CPLANE1: variants seen among roughly 807,000 people sequenced by gnomAD.
The protein encoded by CPLANE1 is ciliogenesis and planar polarity effector 1.
A neutral mutation model predicts 362.5 loss-of-function variants in CPLANE1; 263 were observed. The observed-to-expected ratio is 0.73, with a 90% CI of 0.66 to 0.80. The LOEUF (loss-of-function observed/expected upper bound fraction) is 0.80, where lower values mean the gene tolerates loss of function less well. Ranked by LOEUF, CPLANE1 falls within the 30% of genes least tolerant of loss-of-function variation. The pLI is 0.00. For synonymous variants in CPLANE1, 1,212 were observed against 1,302.6 expected (o/e 0.93, Z 1.50); for missense variants, 3,461 against 3,793.4 (o/e 0.91, Z 2.30).
the CPLANE1 span, among the ~76,000 whole-genome samples, chr5:37,078,150 A>T: frequency 6.6e-6 from 1 of 152,064 alleles, no homozygotes; most frequent in Non-Finnish European, 1.5e-5. Flanking sequence ...TCATCCCATC[A>T]CCTAGATGTT....
intron 46 of CPLANE1, among the ~76,000 whole-genome samples, chr5:37,138,197 C>T (rs1768388379): frequency 6.6e-6 from 1 of 152,090 alleles, no homozygotes; most frequent in African/African-American, 2.4e-5. Context: ...TCTATAACTA[C>T]TTATTTTATG....
At chr5:37,158,544 T>C (rs191644706) in intron 38 of CPLANE1, among the ~76,000 whole-genome samples, 199 bp from the exon 39 acceptor site, 179 of 152,308 alleles carry the variant, frequency 1.2e-3, no homozygotes, top group Non-Finnish European at 2.3e-3. Context: ...TAATTGAATG[T>C]AAGCTGACTA....
intron 3 of CPLANE1, 30 bp from the exon 4 acceptor site, chr5:37,245,628 C>A (rs1171406400): frequency 1.3e-6 from 2 of 1,499,458 alleles, no homozygotes; most frequent in South Asian, 1.3e-5. Context: ...GCAATACTTA[C>A]AATCTAGTAT....
At chr5:37,228,408 ATT>A (rs1351723119) in intron 9 of CPLANE1, among the ~76,000 whole-genome samples, 1 of 152,066 alleles carries the variant, frequency 6.6e-6, no homozygotes, top group Non-Finnish European at 1.5e-5. Context: ...GTATATTGTA[ATT>A]TTTTTCTGGT....
chr5:37,093,276 C>T, the CPLANE1 span, among the ~76,000 whole-genome samples: 1,106 of 152,240 alleles, frequency 7.3e-3, 17 homozygotes, highest in African/African-American at 0.025. Context: ...AATTCTTGCA[C>T]GTCTGCAAGC....
chr5:37,227,066 T>G lies in CPLANE1; in HGVS notation c.1529A>C (p.Glu510Ala). The G allele has an allele frequency of 6.5e-7, 1 of 1,541,680 alleles. No homozygotes were observed. The highest frequency in any genetic ancestry group is 8.7e-7 in the Non-Finnish European group (1 of 1,142,940). The part of the protein sequence containing the change: ...NENAADFQDF[E>A]AEETNEGRHF... ...TCTGCCTTCGTTAGTTTCTTCTGCT[T>G]CAAAATCCTAAAACATGAGGGGAAA... is the stretch of plus-strand genomic sequence containing the variant. Residue 510 changes from glutamate to alanine, a missense_variant, in exon 12 of 53, where the codon GAA (glutamate) becomes GCA (alanine). Physicochemically the swap from Glu to Ala is moderately radical, Grantham distance 107 (BLOSUM62 -1). Coordinates refer to ENST00000651892, the MANE Select transcript of CPLANE1 (RefSeq NM_001384732.1).
At chr5:37,210,463 G>C (rs1003815587) in intron 16 of CPLANE1, 1 of 1,091,252 alleles carries the variant, frequency 9.2e-7, no homozygotes, top group South Asian at 1.3e-5. Flanking sequence ...AGAACTAATC[G>C]ACTGATTGAA....
In CPLANE1 at chr5:37,164,322, T is replaced by C; in HGVS notation, c.7539A>G (p.Gln2513=). The C allele has an allele frequency of 6.2e-7, 1 of 1,613,138 alleles. No individual in the cohort carries two copies. Residue 2513 remains glutamine, a synonymous_variant, in exon 37 of 53, where the codon CAA becomes CAG. Transcript: ENST00000651892. ...AAGGATGGGAACCACAATGTTCTTGTTGTTCCTAAATGAATTCCCACAGGA... is the reference window on the plus strand; with the variant it reads ...AAGGATGGGAACCACAATGTTCTTGCTGTTCCTAAATGAATTCCCACAGGA... ...DSEIIKKPKE[Q]QEHCGSHPLD... is the part of the protein sequence containing the mutation.
chr5:37,081,231 C>T, the CPLANE1 span, among the ~76,000 whole-genome samples: 84 of 152,274 alleles, frequency 5.5e-4, no homozygotes, highest in African/African-American at 1.9e-3. Context: ...CAAAAACTAA[C>T]CTTGAGATGC....
intron 41 of CPLANE1, among the ~76,000 whole-genome samples, chr5:37,155,912 A>G (rs1392213428): frequency 6.6e-6 from 1 of 152,120 alleles, no homozygotes; most frequent in African/African-American, 2.4e-5. Context: ...ACTTTCCCAC[A>G]TACTTCCCCT....
intron 30 of CPLANE1, 113 bp downstream of exon 30, chr5:37,177,508 A>G (rs1781501753): frequency 4.0e-6 from 3 of 744,988 alleles, no homozygotes; most frequent in South Asian, 1.8e-5. Context: ...TTACAGTTTC[A>G]CTAGAAACAC....
chr5:37,237,176 T>C (rs1330095384), intron 8 of CPLANE1, among the ~76,000 whole-genome samples: 1 of 152,054 alleles, frequency 6.6e-6, no homozygotes, highest in Non-Finnish European at 1.5e-5. Flanking sequence ...ATAGCAAAGA[T>C]AGAGAATCAA....
Position 37,139,361 on chromosome 5 carries a change from C to T in CPLANE1, c.8642G>A (p.Ser2881Asn). Residue 2881 changes from serine (S) to asparagine (N), a missense_variant, in exon 45 of 53, where the codon AGC becomes AAC. By Grantham distance (46) the Ser-to-Asn change is conservative. Around this residue, in one of 2 missense-constraint regions of CPLANE1, gnomAD observed 3,380 missense variants for 3,666.1 expected, o/e 0.92. Coordinates refer to ENST00000651892, the MANE Select transcript of CPLANE1 (RefSeq NM_001384732.1). ...DQNTTSPGMN[S>N]SDELCESVSV... ...TTACCTCTCACACAATTCATCACTG[C>T]TATTCATACCTAAAAAAAAAATCAT... 2 of 1,201,658 alleles carry T rather than the reference C, an allele frequency of 1.7e-6. No individual in the cohort carries two copies. The highest frequency in any genetic ancestry group is 2.3e-6 in the Non-Finnish European group (2 of 865,598). 74.4% of individuals were successfully genotyped at this position (1,201,658 alleles called of 1,614,324 possible).
rs185153565 is a variant in CPLANE1 at position 37,140,940 on chromosome 5, C to G, written c.8632+1370G>C. ...CAAGACAATTCTTCTTCCAATGTGG[C>G]TCAGGGAAGCCAAAAGACTGGAGTC... On this transcript the variant is annotated intron_variant, in intron 44 of 52. Coordinates refer to ENST00000651892, the MANE Select transcript of CPLANE1 (RefSeq NM_001384732.1). The G allele has an allele frequency of 4.3e-4, 427 of 985,216 alleles. 1 individual carries two copies. In the African/African-American group the frequency reaches 6.9e-3, roughly 16 times the overall value. The allele number at this position is 985,216 out of a possible 1,614,324, so 61.0% of individuals were successfully genotyped here.
intron 50 of CPLANE1, among the ~76,000 whole-genome samples, chr5:37,118,870 C>G (rs1435362669): frequency 1.3e-5 from 2 of 152,010 alleles, no homozygotes; most frequent in African/African-American, 2.4e-5. Flanking sequence ...CACACCACCA[C>G]GCCCAGCTAA....
In CPLANE1 at chr5:37,127,108, G is replaced by A. The variant is rs530348106; in HGVS notation, c.8793-1699C>T. On this transcript the variant is annotated intron_variant, in intron 46 of 52. Transcript: ENST00000651892. ...TTACTGGAGGAATTAAGTGCATTCT[G>A]TGCGACCCCACTGGGAAAAGACTCT... Among the ~76,000 whole-genome samples, 125 of 152,300 alleles carry A rather than the reference G, an allele frequency of 8.2e-4. 2 individuals are homozygous for A. The South Asian group carries it at 0.016, about 19-fold the overall frequency.
At chr5:37,082,093 C>CA in the CPLANE1 span, among the ~76,000 whole-genome samples, 6,012 of 92,414 alleles carry the variant, frequency 0.065, 393 homozygotes, top group African/African-American at 0.19. Flanking sequence ...AACTCCGTAT[C>CA]AAAAAAAAAA....
At chr5:37,232,555 G>A (rs562426127) in intron 8 of CPLANE1, among the ~76,000 whole-genome samples, 6 of 150,344 alleles carry the variant, frequency 4.0e-5, no homozygotes, top group African/African-American at 4.9e-5. Flanking sequence ...AGGCTCTCTC[G>A]GCCAGGTGCA....
chr5:37,203,442 C>T (rs575796162), intron 18 of CPLANE1, among the ~76,000 whole-genome samples: 9 of 152,128 alleles, frequency 5.9e-5, no homozygotes, highest in Non-Finnish European at 1.2e-4. Context: ...CACCAGTTGA[C>T]GGACATTTGA....
Sources: gnomAD v4.1 joint callset for allele counts (sites outside exome capture counted in the v4.1 genomes callset) on GRCh38, gnomAD v4.1.1 for gene constraint, gnomAD v4.1.1 regional missense constraint, MANE v1.5 for transcripts, NCBI Gene and HGNC (gene_info 2026-07-23, HGNC 2026-07-21) for gene names.